Variants in NFYC observed in about 807,000 individuals in gnomAD.
The protein encoded by NFYC is CAAT box DNA-binding protein subunit C.
Under a neutral mutation model 53.1 loss-of-function variants are expected in NFYC, and 25 were observed. The ratio of observed to expected loss-of-function variants is 0.47; its 90% CI spans 0.34 to 0.66. NFYC has a LOEUF of 0.66. NFYC is among the 30% of genes least tolerant of loss of function. The probability of loss-of-function intolerance (pLI) is 0.01; values close to 1 mark genes in which losing one functional copy is unlikely to be tolerated. For missense variants in NFYC, 260 were observed against 422.7 expected (o/e 0.62, Z 3.38); for synonymous variants, 145 against 152.6 (o/e 0.95, Z 0.37).
intron 1 of NFYC, among the ~76,000 whole-genome samples, chr1:40,728,365 G>A (rs1373074431): frequency 6.6e-6 from 1 of 152,080 alleles, no homozygotes; most frequent in Non-Finnish European, 1.5e-5. Context: ...GGGAGGCTGA[G>A]GCGGGCGGAT....
chr1:40,693,501 T>G (rs1642955397), intron 1 of NFYC, among the ~76,000 whole-genome samples: 1 of 152,246 alleles, frequency 6.6e-6, no homozygotes, highest in East Asian at 1.9e-4. Flanking sequence ...GTTTTCAAAT[T>G]TAGTTTTATG....
intron 1 of NFYC, among the ~76,000 whole-genome samples, chr1:40,719,437 T>C (rs1023452163): frequency 6.6e-6 from 1 of 152,200 alleles, no homozygotes; most frequent in Non-Finnish European, 1.5e-5. Context: ...TTCTTCTGAA[T>C]TATAGAGAAA....
intron 3 of NFYC, among the ~76,000 whole-genome samples, chr1:40,747,974 T>C (rs1645705278): frequency 6.6e-6 from 1 of 152,022 alleles, no homozygotes; most frequent in South Asian, 2.1e-4. Context: ...TAGCTAGGAT[T>C]ACAGGCGCCC....
In NFYC at chr1:40,771,185, T is replaced by C. The variant is rs1394173066; in HGVS notation, c.*357T>C. ...TTTTTCTTTTTTTTTTGTTTGTTAC[T>C]GCCACTTCTTTTTAGGAGCAAATCT... On this transcript the variant is annotated 3_prime_UTR_variant, in exon 10 of 10. Transcript: ENST00000447388. 6 of 322,396 alleles carry C rather than the reference T, an allele frequency of 1.9e-5. No homozygotes were observed. The highest frequency in any genetic ancestry group is 1.1e-4 in the African/African-American group (5 of 46,612). 20.0% of individuals were successfully genotyped at this position (322,396 alleles called of 1,614,324 possible).
intron 1 of NFYC, among the ~76,000 whole-genome samples, chr1:40,704,557 A>G (rs1031477057): frequency 6.6e-6 from 1 of 152,238 alleles, no homozygotes; most frequent in Non-Finnish European, 1.5e-5. Context: ...AATGGAATTC[A>G]AGAATAATTT....
At position 40,736,232 on chromosome 1, in the gene NFYC, ATTG is replaced by A. The variant is rs1343602131; in HGVS notation, c.-8-2598_-8-2596del. On this transcript the variant is annotated intron_variant, in intron 1 of 9. Coordinates refer to ENST00000447388, the MANE Select transcript of NFYC (RefSeq NM_014223.5). ...GAATGAAATCTGCTTTGAGGCTTGT[ATTG>A]TTGTTTTCCTTCCATTTCTTTCCCC... Among the ~76,000 whole-genome samples the A allele has an allele frequency of 5.9e-5, 9 of 152,246 alleles. No individual in the cohort carries two copies. In the South Asian group the frequency reaches 1.0e-3, roughly 18 times the overall value.
rs141818024 is a variant in NFYC at position 40,725,292 on chromosome 1, T to G, written c.-8-13544T>G. Among the ~76,000 whole-genome samples, 848 of 152,288 alleles carry G rather than the reference T, an allele frequency of 5.6e-3. 6 individuals are homozygous for G. The highest frequency in any genetic ancestry group is 0.02 in the African/African-American group (818 of 41,566). Reference sequence around the variant, plus strand: ...ATCTTCAAGTAGTGAAGTGTAGGACTTCCCCACCAAACCACCAGAGACCCC... The same window carrying G: ...ATCTTCAAGTAGTGAAGTGTAGGACGTCCCCACCAAACCACCAGAGACCCC... On this transcript the variant is annotated intron_variant, in intron 1 of 9. Transcript: ENST00000447388.
chr1:40,714,476 G>A (rs1039472220), intron 1 of NFYC, among the ~76,000 whole-genome samples: 13 of 152,192 alleles, frequency 8.5e-5, no homozygotes, highest in Admixed American at 8.5e-4. Context: ...TTAGACAAAA[G>A]TTATAGTCCA....
chr1:40,715,733 C>T (rs1422997181), intron 1 of NFYC, among the ~76,000 whole-genome samples: 2 of 152,116 alleles, frequency 1.3e-5, no homozygotes, highest in South Asian at 4.1e-4. Context: ...AATTAGATTA[C>T]AGTCTAGCAC....
intron 1 of NFYC, chr1:40,709,301 G>T (rs993166668): frequency 6.6e-6 from 1 of 152,260 alleles, no homozygotes; most frequent in African/African-American, 2.4e-5. Context: ...GCAAGGTTTG[G>T]TGTCAAATAG....
At chr1:40,753,458 A>G (rs956134018) in intron 5 of NFYC, among the ~76,000 whole-genome samples, 1 of 152,242 alleles carries the variant, frequency 6.6e-6, no homozygotes, top group African/African-American at 2.4e-5. Context: ...GAAAATAGAC[A>G]AAATGAAAAT....
At chr1:40,745,114 C>T (rs534624405) in intron 2 of NFYC, among the ~76,000 whole-genome samples, 8 of 152,174 alleles carry the variant, frequency 5.3e-5, no homozygotes, top group South Asian at 2.1e-4. Flanking sequence ...CTCTGCAAGG[C>T]GGGAATGATC....
At position 40,770,334 on chromosome 1, in the gene NFYC, T is replaced by C. The variant is rs1647026708; in HGVS notation, c.889-375T>C. On this transcript the variant is annotated intron_variant, in intron 9 of 9. Transcript: ENST00000447388. The surrounding 1 kb of genome is among the most constrained non-coding windows in gnomAD (Gnocchi z 5.3). ...CCCTGCCAGTGTAGATTACCAAGAG[T>C]TGGGGAAATGCTGACTTCCAAGCTG... 8 of 1,448,474 alleles carry C rather than the reference T, an allele frequency of 5.5e-6. No homozygotes were observed. The highest frequency in any genetic ancestry group is 2.7e-5 in the South Asian group (2 of 73,616). 89.7% of individuals were successfully genotyped at this position (1,448,474 alleles called of 1,614,324 possible). A position where few individuals can be genotyped will look rare whatever the true frequency, so the allele number is the denominator to read the frequency against.
intron 1 of NFYC, among the ~76,000 whole-genome samples, chr1:40,713,132 T>A (rs1013316618): frequency 6.6e-6 from 1 of 152,198 alleles, no homozygotes; most frequent in Non-Finnish European, 1.5e-5. Flanking sequence ...TGGAAACTCA[T>A]GGGGGTTTCT....
At chr1:40,747,987 C>A (rs897116714) in intron 3 of NFYC, among the ~76,000 whole-genome samples, 7 of 151,978 alleles carry the variant, frequency 4.6e-5, no homozygotes, top group Non-Finnish European at 1.0e-4. Flanking sequence ...AGGCGCCCGC[C>A]ACCACACCTA....
intron 2 of NFYC, among the ~76,000 whole-genome samples, chr1:40,742,477 G>T (rs1005744217): frequency 1.3e-5 from 2 of 152,168 alleles, no homozygotes; most frequent in African/African-American, 4.8e-5. Flanking sequence ...TCTATCAGAA[G>T]TTAAAAGAGA....
chr1:40,727,322 C>T (rs1644561751), intron 1 of NFYC, among the ~76,000 whole-genome samples: 1 of 152,112 alleles, frequency 6.6e-6, no homozygotes, highest in Non-Finnish European at 1.5e-5. Context: ...CTCCCAGGCT[C>T]AAGTGATCCT....
chr1:40,715,083 A>AT (rs1311706288), intron 1 of NFYC, among the ~76,000 whole-genome samples: 1 of 110,778 alleles, frequency 9.0e-6, no homozygotes, highest in Non-Finnish European at 1.9e-5. Flanking sequence ...CCATGTCTCA[A>AT]AACAATAAAT....
intron 4 of NFYC, among the ~76,000 whole-genome samples, chr1:40,752,347 T>A (rs1177723945): frequency 6.6e-6 from 1 of 152,232 alleles, no homozygotes; most frequent in Non-Finnish European, 1.5e-5. Context: ...TTGTTTTTCC[T>A]TTTGCTTTAA....
Sources: allele counts gnomAD v4.1 joint callset (sites outside exome capture counted in the v4.1 genomes callset), GRCh38; gene constraint gnomAD v4.1.1; non-coding constraint Gnocchi (gnomAD v3.1); transcripts MANE v1.5; gene names NCBI Gene and HGNC (gene_info 2026-07-23, HGNC 2026-07-21).